Variants in TMEM179B observed in about 807,000 individuals in gnomAD.
TMEM179B encodes the protein transmembrane protein 179B.
A neutral mutation model predicts 18.0 loss-of-function variants in TMEM179B; 13 were observed. The observed-to-expected ratio is 0.72, with a 90% CI of 0.47 to 1.15. The LOEUF is 1.15. Ranked by LOEUF, TMEM179B falls within the 50% of genes most tolerant of loss-of-function variation. The pLI is 0.00. For missense variants in TMEM179B, 320 were observed against 270.6 expected (o/e 1.18, Z -1.28); for synonymous variants, 159 against 117.5 (o/e 1.35, Z -2.29).
intron 3 of TMEM179B, 23 bp from the exon 4 acceptor site, chr11:62,789,577 AC>A (rs1004269588): frequency 1.2e-5 from 18 of 1,548,686 alleles, no homozygotes; most frequent in Non-Finnish European, 1.4e-5. Context: ...ACGCTTTCTC[AC>A]AACTGTCTCT....
rs1204165602 is a variant in TMEM179B, at chr11:62,787,431, C to T, written c.-1C>T. The T allele has an allele frequency of 8.3e-6, 13 of 1,563,730 alleles. No homozygotes were observed. The highest frequency in any genetic ancestry group is 1.4e-5 in the African/African-American group (1 of 73,294). ...CGGCGCTTCCTGGTGGTCAGGGCGCCATGGCGCTGTCCTGGCTGCAGCGCG... is the reference window on the plus strand; with the variant it reads ...CGGCGCTTCCTGGTGGTCAGGGCGCTATGGCGCTGTCCTGGCTGCAGCGCG... On this transcript the variant is annotated 5_prime_UTR_variant, in exon 1 of 5. Transcript: ENST00000333449.
At position 62,789,353 on chromosome 11, in the gene TMEM179B, G is replaced by C. The variant is rs1215611637; in HGVS notation, c.346G>C (p.Val116Leu). ...ISAIAVFLVL[V>L]SACILRFGTR... ...AGCTATAGCCGTCTTCCTGGTCTTGGTGTCTGCCTGTATCCTTCGATTTGG... is the reference window on the plus strand; with the variant it reads ...AGCTATAGCCGTCTTCCTGGTCTTGCTGTCTGCCTGTATCCTTCGATTTGG... The change falls in exon 3 of 5, where the codon GTG (valine) becomes CTG (leucine). Residue 116 changes from valine to leucine, a missense_variant. Coordinates refer to ENST00000333449, the MANE Select transcript of TMEM179B (RefSeq NM_199337.3). 6.2e-7 allele frequency: 1 copy of C among 1,613,856 alleles called. No homozygotes were observed. The highest frequency in any genetic ancestry group is 1.1e-5 in the South Asian group (1 of 91,054).
At chr11:62,787,551 G>A (rs952092692) in intron 1 of TMEM179B, 24 bp downstream of exon 1, 6 of 1,527,224 alleles carry the variant, frequency 3.9e-6, no homozygotes, top group Admixed American at 4.0e-5. Flanking sequence ...GCGGGGTCAG[G>A]TAGGCGGGGG....
In TMEM179B at chr11:62,787,451, A is replaced by C; in HGVS notation, c.20A>C (p.Gln7Pro). MALSWL[Q>P]RVELALFAAA... ...GGCGCCATGGCGCTGTCCTGGCTGC[A>C]GCGCGTCGAGCTTGCGCTCTTTGCT... Residue 7 changes from glutamine (Q) to proline (P), a missense_variant, in exon 1 of 5, where the codon CAG becomes CCG. Gln to Pro is a moderately conservative substitution (Grantham distance 76). Coordinates refer to ENST00000333449, the MANE Select transcript of TMEM179B (RefSeq NM_199337.3). 6.4e-7 allele frequency: 1 copy of C among 1,569,320 alleles called. No homozygotes were observed. Among genetic ancestry groups the C allele is most frequent in the Non-Finnish European group, 8.6e-7 (1 of 1,164,710 alleles).
rs2084343435 is a variant in TMEM179B, at chr11:62,790,187, C to T, written c.*140C>T. 4.4e-6 allele frequency: 4 copies of T among 907,256 alleles called. No individual in the cohort carries two copies. Among genetic ancestry groups the T allele is most frequent in the Non-Finnish European group, 6.4e-6 (4 of 626,134 alleles). 56.2% of individuals were successfully genotyped at this position (907,256 alleles called of 1,614,324 possible). On this transcript the variant is annotated 3_prime_UTR_variant, in exon 5 of 5. Transcript: ENST00000333449. The stretch of plus-strand genomic sequence containing the variant: ...GGGGGGAAACATAATGACAGGCCCC[C>T]CTCCACCTCTTCCTGCAGCTGTTTT...
chr11:62,789,534 C>CT, intron 3 of TMEM179B, 67 bp from the exon 4 acceptor site: 1 of 1,580,730 alleles, frequency 6.3e-7, no homozygotes, highest in Non-Finnish European at 8.6e-7. Flanking sequence ...TCACAGGGCA[C>CT]TGGGCACAGG....
At chr11:62,788,106 A>G (rs2084310147) in intron 1 of TMEM179B, among the ~76,000 whole-genome samples, 1 of 152,062 alleles carries the variant, frequency 6.6e-6, no homozygotes, top group South Asian at 2.1e-4. Flanking sequence ...ACACCATGAG[A>G]AAACCTCAGA....
chr11:62,789,234 A>G (rs1565193537), intron 2 of TMEM179B, 24 bp downstream of exon 2: 2 of 1,613,896 alleles, frequency 1.2e-6, no homozygotes, highest in Admixed American at 3.3e-5. Context: ...CCTGAGGGCC[A>G]GGGGCTGAGG....
chr11:62,787,767 A>C (rs1363092135), intron 1 of TMEM179B: 3 of 686,498 alleles, frequency 4.4e-6, no homozygotes, highest in East Asian at 2.7e-5. Flanking sequence ...AGCGTCTTAA[A>C]GCACTAGGTG....
At chr11:62,787,858 T>G (rs2084306902) in intron 1 of TMEM179B, 2 of 619,282 alleles carry the variant, frequency 3.2e-6, no homozygotes, top group African/African-American at 1.8e-5. Flanking sequence ...CGTCCATCCG[T>G]TAAATCAGAA....
At position 62,789,399 on chromosome 11, in the gene TMEM179B, CCAT is replaced by C. The variant is rs1268055730; in HGVS notation, c.397_399del (p.Ile133del). The C allele has an allele frequency of 3.1e-6, 5 of 1,613,836 alleles. No homozygotes were observed. In the East Asian group the frequency reaches 8.9e-5, roughly 29 times the overall value. On this transcript the variant is annotated inframe_deletion, in exon 3 of 5. Coordinates refer to ENST00000333449, the MANE Select transcript of TMEM179B (RefSeq NM_199337.3). Reference sequence around the variant, plus strand: ...TTTGGCACCAGGTCTCTCTGCAACTCCATCATCTCCTTGAACACTACAATTAGG... The same window carrying C: ...TTTGGCACCAGGTCTCTCTGCAACTCCATCTCCTTGAACACTACAATTAGG...
In TMEM179B at chr11:62,789,360, C is replaced by T. The variant is rs1286874202; in HGVS notation, c.353C>T (p.Ala118Val). ...AIAVFLVLVS[A>V]CILRFGTRSL... Reference sequence around the variant, plus strand: ...GCCGTCTTCCTGGTCTTGGTGTCTGCCTGTATCCTTCGATTTGGCACCAGG... The same window carrying T: ...GCCGTCTTCCTGGTCTTGGTGTCTGTCTGTATCCTTCGATTTGGCACCAGG... Residue 118 changes from alanine to valine, a missense_variant, in exon 3 of 5, where the codon GCC becomes GTC. Ala to Val is a moderately conservative substitution (Grantham distance 64). Coordinates refer to ENST00000333449, the MANE Select transcript of TMEM179B (RefSeq NM_199337.3). 6.2e-7 allele frequency: 1 copy of T among 1,613,834 alleles called. No homozygotes were observed. Among genetic ancestry groups the T allele is most frequent in the African/African-American group, 1.3e-5 (1 of 74,884 alleles).
chr11:62,787,658 G>A (rs553382497), intron 1 of TMEM179B, 131 bp downstream of exon 1: 1 of 1,199,162 alleles, frequency 8.3e-7, no homozygotes, highest in Non-Finnish European at 1.1e-6. Flanking sequence ...GGCTGGCGCC[G>A]GCCTGTACCT....
rs1482655322 is a variant in TMEM179B at position 62,789,186 on chromosome 11, G to A, written c.260G>A (p.Ser87Asn). The change falls in exon 2 of 5, where the codon AGC (serine) becomes AAC (asparagine). Residue 87 changes from serine (S) to asparagine (N), a missense_variant. Transcript: ENST00000333449. ...CLLLLLFWIYSSCIEDSHRGA... is the reference protein window; with the variant it reads ...CLLLLLFWIYNSCIEDSHRGA... ...CTGCTTTTGCTCTTCTGGATCTACA[G>A]CAGCTGCATCGAGGACTCCCACAGG... 2 of 1,614,200 alleles carry A rather than the reference G, an allele frequency of 1.2e-6. No homozygotes were observed. The highest frequency in any genetic ancestry group is 1.3e-5 in the African/African-American group (1 of 75,044).
Position 62,790,226 on chromosome 11 carries a change from T to TA in TMEM179B, c.*180dup. 1 of 673,472 alleles carries TA rather than the reference T, an allele frequency of 1.5e-6. No homozygotes were observed. The highest frequency in any genetic ancestry group is 2.4e-6 in the Non-Finnish European group (1 of 417,012). The allele number at this position is 673,472 out of a possible 1,614,324, so 41.7% of individuals were successfully genotyped here. ...TGCAGCTGTTTTTGTACCAAAATAT[T>TA]ATATTACTGTCTTCATCTTAGTAGT... On this transcript the variant is annotated 3_prime_UTR_variant, in exon 5 of 5. Transcript: ENST00000333449.
intron 1 of TMEM179B, 25 bp from the exon 2 acceptor site, chr11:62,788,998 A>G: frequency 1.3e-6 from 2 of 1,597,140 alleles, no homozygotes; most frequent in Non-Finnish European, 1.7e-6. Context: ...CCTGAAATCT[A>G]GGACTCAGCA....
Position 62,790,243 on chromosome 11 carries a change from C to T in TMEM179B, c.*196C>T. ...CAAAATATTATATTACTGTCTTCAT[C>T]TTAGTAGTGAGTTTTTGATGTTAAA... On this transcript the variant is annotated 3_prime_UTR_variant, in exon 5 of 5. Transcript: ENST00000333449. The T allele has an allele frequency of 1.6e-6, 1 of 627,190 alleles. No homozygotes were observed. The allele number at this position is 627,190 out of a possible 1,614,324, so 38.9% of individuals were successfully genotyped here.
chr11:62,789,490 T>A lies in TMEM179B; in HGVS notation c.419+64T>A. 7 of 1,608,424 alleles carry A rather than the reference T, an allele frequency of 4.4e-6. No individual in the cohort carries two copies. The South Asian group carries it at 7.7e-5, about 18-fold the overall frequency. On this transcript the variant is annotated intron_variant, in intron 3 of 4. Transcript: ENST00000333449. ...ACCTTCCCTCTGCAGCGGGGTCCTATAATTTCCTTTTATCCCCATCAGTTG... is the reference window on the plus strand; with the variant it reads ...ACCTTCCCTCTGCAGCGGGGTCCTAAAATTTCCTTTTATCCCCATCAGTTG...
At position 62,790,353 on chromosome 11, in the gene TMEM179B, T is replaced by C. The variant is rs1171230524; in HGVS notation, c.*306T>C. 9.1e-6 allele frequency: 5 copies of C among 546,842 alleles called. No homozygotes were observed. Among genetic ancestry groups the C allele is most frequent in the African/African-American group, 3.8e-5 (2 of 52,738 alleles). The allele number at this position is 546,842 out of a possible 1,614,324, so 33.9% of individuals were successfully genotyped here. ...TACTGTTAGGCAGCTGCCCTAGGGATGACTGCTCCTTTATTTGTTGTTAAT... is the reference window on the plus strand; with the variant it reads ...TACTGTTAGGCAGCTGCCCTAGGGACGACTGCTCCTTTATTTGTTGTTAAT... On this transcript the variant is annotated 3_prime_UTR_variant, in exon 5 of 5. Coordinates refer to ENST00000333449, the MANE Select transcript of TMEM179B (RefSeq NM_199337.3).
Sources: gnomAD v4.1 joint callset for allele counts (sites outside exome capture counted in the v4.1 genomes callset) on GRCh38, gnomAD v4.1.1 for gene constraint, MANE v1.5 for transcripts, NCBI Gene and HGNC (gene_info 2026-07-23, HGNC 2026-07-21) for gene names.